PCDH9: variants seen among roughly 807,000 people sequenced by gnomAD.
PCDH9 encodes protocadherin 9, also known as protocadherin-9.
A neutral mutation model predicts 70.6 loss-of-function variants in PCDH9; 24 were observed. The observed-to-expected ratio is 0.34, with a 90% confidence interval of 0.25 to 0.48. The LOEUF is 0.48. Ranked by LOEUF, PCDH9 falls within the 20% of genes least tolerant of loss-of-function variation. The pLI, the probability that PCDH9 is intolerant of heterozygous loss-of-function variation, is 0.99. For missense variants in PCDH9, 1,281 were observed against 1,503.6 expected, an observed-to-expected ratio of 0.85 and a Z score of 2.45; for synonymous variants, 562 against 558.5, an observed-to-expected ratio of 1.01 and a Z score of -0.09.
intron 2 of PCDH9, among the ~76,000 whole-genome samples, chr13:67,193,060 C>T: frequency 6.6e-6 from 1 of 152,020 alleles, no homozygotes. Context: ...TATCTGAAAT[C>T]CCTATTACAG....
intron 2 of PCDH9, among the ~76,000 whole-genome samples, chr13:66,955,771 T>C (rs905868568): frequency 6.6e-6 from 1 of 152,142 alleles, no homozygotes; most frequent in Non-Finnish European, 1.5e-5. Flanking sequence ...GCGTTTGTTA[T>C]GGGAATGACA....
chr13:67,005,654 G>T (rs1234751493), intron 2 of PCDH9, among the ~76,000 whole-genome samples: 1 of 152,098 alleles, frequency 6.6e-6, no homozygotes, highest in Non-Finnish European at 1.5e-5. Flanking sequence ...CATAATAATG[G>T]CAATGCATAC....
chr13:66,395,021 A>T (rs746257818), intron 4 of PCDH9, among the ~76,000 whole-genome samples: 1 of 152,226 alleles, frequency 6.6e-6, no homozygotes, highest in Non-Finnish European at 1.5e-5. Flanking sequence ...ATGTCCTCAC[A>T]AAACAATACT....
At chr13:66,878,519 G>A (rs755752053) in intron 3 of PCDH9, among the ~76,000 whole-genome samples, 1 of 152,108 alleles carries the variant, frequency 6.6e-6, no homozygotes, top group African/African-American at 2.4e-5. Context: ...GAGGCATAGC[G>A]CAGGGCCGGG....
At chr13:66,671,095 A>G (rs531389815) in intron 3 of PCDH9, among the ~76,000 whole-genome samples, 4 of 152,108 alleles carry the variant, frequency 2.6e-5, no homozygotes, top group Admixed American at 2.0e-4. Context: ...AAGAGATTTG[A>G]TGGTTTTATA....
chr13:67,007,217 G>T (rs1478415873), intron 2 of PCDH9, among the ~76,000 whole-genome samples: 2 of 151,772 alleles, frequency 1.3e-5, no homozygotes, highest in Non-Finnish European at 2.9e-5. Context: ...AAATATTTCA[G>T]AACATTGGTT....
At chr13:66,349,507 C>T (rs1364366034) in intron 4 of PCDH9, among the ~76,000 whole-genome samples, 1 of 152,172 alleles carries the variant, frequency 6.6e-6, no homozygotes, top group East Asian at 1.9e-4. Flanking sequence ...ACAGCTTTGG[C>T]ACACCCAGAG....
chr13:66,555,419 G>GAAA (rs4053724), intron 4 of PCDH9, among the ~76,000 whole-genome samples: 1 of 143,564 alleles, frequency 7.0e-6, no homozygotes. Context: ...ACATTCTGGG[G>GAAA]AAAAAAAAAA....
At position 66,596,093 on chromosome 13, in the gene PCDH9, T is replaced by A. The variant is rs553789667; in HGVS notation, c.3340+35117A>T. Among the ~76,000 whole-genome samples, 26 of 151,776 alleles carry A rather than the reference T, an allele frequency of 1.7e-4. No individual in the cohort carries two copies. In the South Asian group the frequency reaches 5.4e-3, roughly 31 times the overall value. On this transcript the variant is annotated intron_variant, in intron 4 of 4. Coordinates refer to ENST00000377865, the MANE Select transcript of PCDH9 (RefSeq NM_203487.3). ...ACAAACAAAACCAGAATATATTAGA[T>A]TCCCATGATTCAAAAGAAAATCACA... is the stretch of plus-strand genomic sequence containing the variant.
intron 2 of PCDH9, chr13:67,221,011 T>C (rs1470869710): frequency 6.6e-6 from 1 of 152,054 alleles, no homozygotes; most frequent in East Asian, 1.9e-4. Flanking sequence ...TTCTACCTCA[T>C]AAGTATGAAA....
intron 2 of PCDH9, among the ~76,000 whole-genome samples, chr13:67,115,022 T>C (rs1486219652): frequency 6.6e-6 from 1 of 152,180 alleles, no homozygotes; most frequent in Non-Finnish European, 1.5e-5. Context: ...TTTTTATTGT[T>C]TGTTTTGTTT....
chr13:66,336,577 A>G (rs1416576222), intron 4 of PCDH9, among the ~76,000 whole-genome samples: 2 of 152,082 alleles, frequency 1.3e-5, no homozygotes, highest in African/African-American at 4.8e-5. Flanking sequence ...CCTTTGATGG[A>G]CCCTCTATAA....
At chr13:67,103,506 AAACCTC>A (rs1274074312) in intron 2 of PCDH9, among the ~76,000 whole-genome samples, 2 of 152,260 alleles carry the variant, frequency 1.3e-5, no homozygotes, top group African/African-American at 4.8e-5. Flanking sequence ...GGAAGACTAT[AAACCTC>A]TAAATCCAAT....
chr13:66,468,132 T>A (rs1958551105), intron 4 of PCDH9, among the ~76,000 whole-genome samples: 1 of 151,930 alleles, frequency 6.6e-6, no homozygotes, highest in Non-Finnish European at 1.5e-5. Context: ...CCTAATTACC[T>A]TTCTTCCCAA....
At position 66,384,920 on chromosome 13, in the gene PCDH9, C is replaced by T. The variant is rs554638054; in HGVS notation, c.3341-79892G>A. Among the ~76,000 whole-genome samples, 58 of 152,238 alleles carry T rather than the reference C, an allele frequency of 3.8e-4. No individual in the cohort carries two copies. The South Asian group carries it at 0.011, about 29-fold the overall frequency. ...CTGACCTCAAGTGATCCGCCTGCCTCGGTCTCCCAAAGTGCTGGGATTGCA... is the reference window on the plus strand; with the variant it reads ...CTGACCTCAAGTGATCCGCCTGCCTTGGTCTCCCAAAGTGCTGGGATTGCA... On this transcript the variant is annotated intron_variant, in intron 4 of 4. Transcript: ENST00000377865.
intron 2 of PCDH9, among the ~76,000 whole-genome samples, chr13:67,166,711 G>A (rs1442315328): frequency 6.6e-6 from 1 of 152,104 alleles, no homozygotes; most frequent in Middle Eastern, 3.2e-3. Flanking sequence ...TACGGTGGTA[G>A]TAAGAGAAAT....
chr13:67,056,541 C>T (rs1360973620), intron 2 of PCDH9, among the ~76,000 whole-genome samples: 2 of 152,096 alleles, frequency 1.3e-5, no homozygotes, highest in Non-Finnish European at 1.5e-5. Flanking sequence ...GAGTTACTTG[C>T]ATTTCATGAG....
chr13:66,952,192 T>G, intron 2 of PCDH9, among the ~76,000 whole-genome samples: 1 of 152,168 alleles, frequency 6.6e-6, no homozygotes, highest in East Asian at 1.9e-4. Flanking sequence ...GTACATACGC[T>G]TCTCCAGCAA....
At chr13:66,612,966 T>A (rs1437150325) in intron 4 of PCDH9, among the ~76,000 whole-genome samples, 1 of 152,140 alleles carries the variant, frequency 6.6e-6, no homozygotes, top group Non-Finnish European at 1.5e-5. Context: ...ATTTTTGGCA[T>A]GCAAAGTGGG....
Sources: allele counts gnomAD v4.1 joint callset (sites outside exome capture counted in the v4.1 genomes callset), GRCh38; gene constraint gnomAD v4.1.1; transcripts MANE v1.5; gene names NCBI Gene and HGNC (gene_info 2026-07-23, HGNC 2026-07-21).